The following BPIFB4 variants were observed in gnomAD, a reference collection of about 807,000 sequenced individuals.
BPIFB4 encodes BPI fold-containing family B member 4.
BPIFB4 carries 62 observed loss-of-function variants against 69.2 expected under a neutral mutation model. That is an observed-to-expected ratio of 0.90 (90% CI 0.73 to 1.11). The LOEUF (loss-of-function observed/expected upper bound fraction) is 1.11, where lower values mean the gene tolerates loss of function less well. Ranked by LOEUF, BPIFB4 falls within the 50% of genes least tolerant of loss-of-function variation. The pLI is 0.00. For synonymous variants in BPIFB4, 330 were observed against 332.7 expected, an observed-to-expected ratio of 0.99 and a Z score of 0.09; for missense variants, 789 against 792.0, an observed-to-expected ratio of 1.00 and a Z score of 0.04.
At chr20:33,088,924 A>G (rs759689350) in intron 7 of BPIFB4, 42 bp from the exon 8 acceptor site, 5 of 1,612,374 alleles carry the variant, frequency 3.1e-6, no homozygotes, top group African/African-American at 1.3e-5. Flanking sequence ...TGAGCCCCAC[A>G]TGGCTGCGAG....
At chr20:33,093,428 C>T (rs1981666791) in intron 11 of BPIFB4, among the ~76,000 whole-genome samples, 1 of 150,204 alleles carries the variant, frequency 6.7e-6, no homozygotes, top group East Asian at 2.0e-4. Flanking sequence ...ACCATCCACC[C>T]ATTCATCCAC....
At chr20:33,110,209 G>C (rs559392187) in intron 17 of BPIFB4, among the ~76,000 whole-genome samples, 7 of 152,106 alleles carry the variant, frequency 4.6e-5, no homozygotes, top group Non-Finnish European at 1.0e-4. Flanking sequence ...CTCCAAGGTG[G>C]GACAATTCCT....
intron 13 of BPIFB4, 64 bp from the exon 14 acceptor site, chr20:33,100,362 C>G (rs1438199854): frequency 5.0e-6 from 7 of 1,395,932 alleles, no homozygotes; most frequent in East Asian, 4.5e-5. Flanking sequence ...ACACAATGAG[C>G]CTTTGGCAAG....
intron 12 of BPIFB4, among the ~76,000 whole-genome samples, chr20:33,096,388 G>C (rs1489863221): frequency 6.6e-6 from 1 of 152,152 alleles, no homozygotes; most frequent in Non-Finnish European, 1.5e-5. Context: ...CAATTCCCCT[G>C]ACTCAGCCTC....
In BPIFB4 at chr20:33,104,864, G is replaced by T. The variant is rs747659473; in HGVS notation, c.1735G>T (p.Ala579Ser). 3 of 1,613,876 alleles carry T rather than the reference G, an allele frequency of 1.9e-6. No individual in the cohort carries two copies. The highest frequency in any genetic ancestry group is 2.7e-5 in the African/African-American group (2 of 74,906). The change falls in exon 16 of 18, where the codon GCA becomes TCA. Residue 579 changes from alanine (A) to serine (S), a missense_variant. Ala to Ser is a moderately conservative substitution (Grantham distance 99). Transcript: ENST00000375483. ...EKIFDLAFMP[A>S]MNAVLGSGVP... Reference sequence around the variant, plus strand: ...GATTTTTGACCTGGCATTCATGCCCGCAATGAACGGTGAGAGCGGGTGCCT... The same window carrying T: ...GATTTTTGACCTGGCATTCATGCCCTCAATGAACGGTGAGAGCGGGTGCCT...
intron 9 of BPIFB4, 99 bp from the exon 10 acceptor site, chr20:33,090,609 G>A: frequency 1.3e-6 from 2 of 1,555,976 alleles, no homozygotes; most frequent in Non-Finnish European, 1.7e-6. Flanking sequence ...TGGAGCTGGA[G>A]CCTGGGCCTA....
intron 7 of BPIFB4, among the ~76,000 whole-genome samples, chr20:33,086,809 G>C (rs1244324418): frequency 6.6e-6 from 1 of 152,152 alleles, no homozygotes; most frequent in African/African-American, 2.4e-5. Flanking sequence ...TGGCGAAGTG[G>C]TGTCAAGTGT....
intron 12 of BPIFB4, among the ~76,000 whole-genome samples, chr20:33,095,808 A>G (rs1981737653): frequency 1.3e-5 from 2 of 152,190 alleles, no homozygotes; most frequent in African/African-American, 4.8e-5. Flanking sequence ...GTTAATAATT[A>G]CACATTACTT....
At chr20:33,085,283 C>T (rs939475311) in intron 6 of BPIFB4, among the ~76,000 whole-genome samples, 5 of 152,000 alleles carry the variant, frequency 3.3e-5, no homozygotes, top group African/African-American at 1.2e-4. Context: ...GGTGAAACCC[C>T]GTCTCTACTA....
chr20:33,096,970 C>G (rs1472727828), intron 12 of BPIFB4, among the ~76,000 whole-genome samples: 1 of 152,036 alleles, frequency 6.6e-6, no homozygotes, highest in Non-Finnish European at 1.5e-5. Context: ...ATGAATTGTC[C>G]CTTTAGTAAA....
chr20:33,080,423 A>C (rs1270040938), intron 1 of BPIFB4, 46 bp from the exon 2 acceptor site: 3 of 152,238 alleles, frequency 2.0e-5, no homozygotes, highest in Non-Finnish European at 4.4e-5. Flanking sequence ...TCCAAAATGC[A>C]TGTTTCACCT....
rs533215894 is a variant in BPIFB4 at position 33,111,494 on chromosome 20, G to T, written c.*57G>T. The T allele has an allele frequency of 6.2e-7, 1 of 1,606,168 alleles. No individual in the cohort carries two copies. On this transcript the variant is annotated 3_prime_UTR_variant, in exon 18 of 18. Transcript: ENST00000375483. The stretch of plus-strand genomic sequence containing the variant: ...AAGAAGCTGGAACCAGTCCCAGAGA[G>T]GCTCGGCCTGGAAACAGTCCCCTGC...
intron 2 of BPIFB4, 133 bp from the exon 3 acceptor site, chr20:33,081,379 G>A: frequency 7.0e-7 from 1 of 1,429,058 alleles, no homozygotes; most frequent in Non-Finnish European, 9.2e-7. Context: ...CTTAGTATGT[G>A]ACCTTGGCTG....
At chr20:33,102,006 C>T (rs752972163) in intron 14 of BPIFB4, among the ~76,000 whole-genome samples, 1 of 152,160 alleles carries the variant, frequency 6.6e-6, no homozygotes, top group Admixed American at 6.5e-5. Flanking sequence ...GGCAGTTACT[C>T]GTGATTAATA....
intron 13 of BPIFB4, 98 bp from the exon 14 acceptor site, chr20:33,100,328 A>T: frequency 9.7e-7 from 1 of 1,031,170 alleles, no homozygotes; most frequent in Non-Finnish European, 1.5e-6. Context: ...CTCAGGGTTA[A>T]CGAAGCCCTA....
intron 7 of BPIFB4, among the ~76,000 whole-genome samples, chr20:33,088,122 G>A (rs1009383734): frequency 1.3e-5 from 2 of 152,086 alleles, no homozygotes; most frequent in Non-Finnish European, 2.9e-5. Flanking sequence ...CCAAAAATCT[G>A]TCTGCCCATC....
intron 9 of BPIFB4, among the ~76,000 whole-genome samples, chr20:33,089,904 A>T (rs577476813): frequency 6.6e-6 from 1 of 151,722 alleles, no homozygotes; most frequent in East Asian, 1.9e-4. Context: ...ACTTGGAGAG[A>T]CTCTTCCCAG....
intron 16 of BPIFB4, among the ~76,000 whole-genome samples, chr20:33,107,133 G>A (rs948027932): frequency 1.3e-5 from 2 of 151,898 alleles, no homozygotes; most frequent in Admixed American, 6.6e-5. Flanking sequence ...GAACCCAGGA[G>A]GTGGATGTTG....
chr20:33,107,585 G>A (rs1167764610), intron 16 of BPIFB4, among the ~76,000 whole-genome samples, 159 bp from the exon 17 acceptor site: 3 of 152,162 alleles, frequency 2.0e-5, no homozygotes, highest in Non-Finnish European at 4.4e-5. Flanking sequence ...GCAATGAGCC[G>A]AGATTGTGCC....
Sources: gnomAD v4.1 joint callset for allele counts (sites outside exome capture counted in the v4.1 genomes callset) on GRCh38, gnomAD v4.1.1 for gene constraint, MANE v1.5 for transcripts, NCBI Gene and HGNC (gene_info 2026-07-23, HGNC 2026-07-21) for gene names.